The following PLB1 variants were observed in gnomAD, a reference collection of about 807,000 sequenced individuals.
The protein encoded by PLB1 is phospholipase B1, membrane-associated.
A neutral mutation model predicts 227.4 loss-of-function variants in PLB1; 242 were observed. The ratio of observed to expected loss-of-function variants is 1.06; its 90% CI spans 0.96 to 1.18. The LOEUF is 1.18. Among genes scored for constraint, PLB1 ranks in the 50% most tolerant of loss-of-function variants. PLB1 has a pLI of 0.00. For missense variants in PLB1, 1,858 were observed against 1,816.3 expected, an observed-to-expected ratio of 1.02 and a Z score of -0.42; for synonymous variants, 757 against 682.2, an observed-to-expected ratio of 1.11 and a Z score of -1.71.
intron 36 of PLB1, 90 bp from the exon 37 acceptor site, chr2:28,601,162 A>G: frequency 1.0e-5 from 11 of 1,089,356 alleles, no homozygotes; most frequent in Non-Finnish European, 1.5e-5. Context: ...GTGGGCAAGG[A>G]TGTTATAGAG....
Position 28,632,132 on chromosome 2 carries a change from C to A in PLB1, c.3994C>A (p.Leu1332Met). 6.2e-7 allele frequency: 1 copy of A among 1,612,558 alleles called. No individual in the cohort carries two copies. The highest frequency in any genetic ancestry group is 8.5e-7 in the Non-Finnish European group (1 of 1,178,596). ...QPFFQNTLTP[L>M]NERGDTDLTF... The stretch of plus-strand genomic sequence containing the variant: ...TTTCTTCCAAAACACACTCACCCCA[C>A]TGAACGAGGTGAGCTGCAGGTATTT... Residue 1332 changes from leucine to methionine, a missense_variant, in exon 55 of 58, where the codon CTG (leucine) becomes ATG (methionine). By Grantham distance (15) the Leu-to-Met change is conservative. Coordinates refer to ENST00000327757, the MANE Select transcript of PLB1 (RefSeq NM_153021.5).
intron 35 of PLB1, 28 bp from the exon 36 acceptor site, chr2:28,600,781 A>G (rs1481696072): frequency 6.2e-7 from 1 of 1,611,018 alleles, no homozygotes; most frequent in East Asian, 2.2e-5. Flanking sequence ...GTTCCTCAAC[A>G]GAAGGATGGG....
In PLB1 at chr2:28,581,534, T is replaced by TAAAA. The variant is rs1553439413; in HGVS notation, c.1567-533_1567-530dup. 7.7e-3 allele frequency among the ~76,000 whole-genome samples: 952 copies of TAAAA among 123,108 alleles called. 34 individuals carry two copies. Among genetic ancestry groups the TAAAA allele is most frequent in the African/African-American group, 0.028 (896 of 32,504 alleles). 80.8% of individuals were successfully genotyped at this position (123,108 alleles called of 152,430 possible). ...ATAAATAAATAAATAAATAAATAAATAAAATTAAAAAAAGAGGCATAGGCA... is the reference window on the plus strand; with the variant it reads ...ATAAATAAATAAATAAATAAATAAATAAAAAAAATTAAAAAAAGAGGCATAGGCA... On this transcript the variant is annotated intron_variant, in intron 23 of 57. Coordinates refer to ENST00000327757, the MANE Select transcript of PLB1 (RefSeq NM_153021.5).
At chr2:28,542,853 G>T (rs1419803556) in intron 13 of PLB1, among the ~76,000 whole-genome samples, 1 of 152,240 alleles carries the variant, frequency 6.6e-6, no homozygotes, top group Admixed American at 6.5e-5. Flanking sequence ...TAAAGTGATG[G>T]TTTAAGAGGG....
In PLB1 at chr2:28,632,992, T is replaced by G. The variant is rs775745623; in HGVS notation, c.4051T>G (p.Ser1351Ala). The G allele has an allele frequency of 6.2e-7, 1 of 1,613,964 alleles. No homozygotes were observed. Among genetic ancestry groups the G allele is most frequent in the Non-Finnish European group, 8.5e-7 (1 of 1,180,034 alleles). The change falls in exon 56 of 58, where the codon TCA becomes GCA. Residue 1351 changes from serine to alanine, a missense_variant. Physicochemically the swap from Ser to Ala is moderately conservative, Grantham distance 99. Coordinates refer to ENST00000327757, the MANE Select transcript of PLB1 (RefSeq NM_153021.5). ...CTTCTCCGAGGACTGTTTTCACTTC[T>G]CAGACCGCGGGCATGCCGAGATGGC... ...TFFSEDCFHFSDRGHAEMAIA... is the reference protein window; with the variant it reads ...TFFSEDCFHFADRGHAEMAIA...
At chr2:28,615,562 A>G (rs541279378) in intron 44 of PLB1, among the ~76,000 whole-genome samples, 21 of 152,356 alleles carry the variant, frequency 1.4e-4, no homozygotes, top group African/African-American at 5.1e-4. Context: ...GCTGCGGGTT[A>G]TGCTGTGTCC....
At chr2:28,600,664 A>G (rs764464380) in intron 35 of PLB1, 145 bp from the exon 36 acceptor site, 37 of 712,282 alleles carry the variant, frequency 5.2e-5, no homozygotes, top group Middle Eastern at 4.9e-4. Context: ...AGAAGAGGCA[A>G]GTCACTCCTG....
intron 46 of PLB1, among the ~76,000 whole-genome samples, chr2:28,619,994 G>C (rs1028563517): frequency 2.6e-5 from 4 of 152,122 alleles, no homozygotes; most frequent in Non-Finnish European, 5.9e-5. Flanking sequence ...GTCTCAGTTA[G>C]GAACACGGCA....
chr2:28,589,748 C>T lies in PLB1; in HGVS notation c.1994C>T (p.Ala665Val). The T allele has an allele frequency of 6.2e-7, 1 of 1,613,868 alleles. No individual in the cohort carries two copies. Among genetic ancestry groups the T allele is most frequent in the Non-Finnish European group, 8.5e-7 (1 of 1,179,918 alleles). Residue 665 changes from alanine to valine, a missense_variant, in exon 28 of 58, where the codon GCC becomes GTC. Ala to Val is a moderately conservative substitution (Grantham distance 64). Transcript: ENST00000327757. ...HFSSKSHSRA[A>V]SALWNNMLEP... The stretch of plus-strand genomic sequence containing the variant: ...AGCAGCAAGTCTCACTCCCGAGCAG[C>T]CAGTGCTCTCTGGAACAATATGGTA...
At position 28,529,342 on chromosome 2, in the gene PLB1, C is replaced by T. The variant is rs1558678298; in HGVS notation, c.351C>T (p.Phe117=). 2 of 1,611,332 alleles carry T rather than the reference C, an allele frequency of 1.2e-6. No homozygotes were observed. The highest frequency in any genetic ancestry group is 8.5e-7 in the Non-Finnish European group (1 of 1,177,492). ...MTVLSDIIRY[F]SPSVPMPVCH... ...TCCTTTCAGACATCATCAGATATTTCAGTCCTTCTGTTCCAATGCCTGTGT... is the reference window on the plus strand; with the variant it reads ...TCCTTTCAGACATCATCAGATATTTTAGTCCTTCTGTTCCAATGCCTGTGT... The change falls in exon 7 of 58, where the codon TTC becomes TTT. Residue 117 remains phenylalanine, a synonymous_variant. Transcript: ENST00000327757.
At chr2:28,587,860 T>C (rs556347910) in intron 26 of PLB1, among the ~76,000 whole-genome samples, 17 of 152,304 alleles carry the variant, frequency 1.1e-4, no homozygotes, top group Non-Finnish European at 2.1e-4. Context: ...GGCTGCTCTC[T>C]ATGCAGTGGG....
chr2:28,500,889 G>A (rs1257550294), intron 1 of PLB1, among the ~76,000 whole-genome samples: 2 of 152,170 alleles, frequency 1.3e-5, no homozygotes, highest in Non-Finnish European at 2.9e-5. Context: ...GGTAACTTCT[G>A]TGGCCCTATC....
chr2:28,575,710 A>G (rs1007033285), intron 21 of PLB1, among the ~76,000 whole-genome samples: 7 of 152,012 alleles, frequency 4.6e-5, no homozygotes, highest in Non-Finnish European at 7.4e-5. Flanking sequence ...AGCTGGGACT[A>G]TGAGTGCATT....
rs201059217 is a variant in PLB1, at chr2:28,496,124, C to T, written c.10C>T (p.Arg4Trp). Reference sequence around the variant, plus strand: ...CCTGGAGCATTCTGGCATGGGGCTGCGGCCAGGCATTTTCCTCCTGGAGCT... The same window carrying T: ...CCTGGAGCATTCTGGCATGGGGCTGTGGCCAGGCATTTTCCTCCTGGAGCT... Reference protein sequence around the residue: MGLRPGIFLLELLL... With the variant: MGLWPGIFLLELLL... The change falls in exon 1 of 58, where the codon CGG (arginine) becomes TGG (tryptophan). Residue 4 changes from arginine (R) to tryptophan (W), a missense_variant. Coordinates refer to ENST00000327757, the MANE Select transcript of PLB1 (RefSeq NM_153021.5). 8.5e-5 allele frequency: 137 copies of T among 1,613,902 alleles called. No homozygotes were observed. Among genetic ancestry groups the T allele is most frequent in the Non-Finnish European group, 1.0e-4 (123 of 1,179,968 alleles).
chr2:28,576,717 G>A (rs897860555), intron 21 of PLB1, among the ~76,000 whole-genome samples: 1 of 152,162 alleles, frequency 6.6e-6, no homozygotes, highest in African/African-American at 2.4e-5. Flanking sequence ...GCGATAGCAC[G>A]AGACTCAGTC....
At chr2:28,620,204 A>T in intron 46 of PLB1, 61 bp from the exon 47 acceptor site, 2 of 1,198,618 alleles carry the variant, frequency 1.7e-6, no homozygotes, top group South Asian at 3.2e-5. Flanking sequence ...GGGCCAGAGG[A>T]GGCTCTTCCA....
At chr2:28,582,572 C>T in intron 25 of PLB1, 67 bp downstream of exon 25, 1 of 1,278,742 alleles carries the variant, frequency 7.8e-7, no homozygotes, top group Non-Finnish European at 1.1e-6. Context: ...GCACCCTTAG[C>T]AAATTCCTTA....
chr2:28,525,254 G>GT lies in PLB1; in HGVS notation c.244-12dup. The GT allele has an allele frequency of 6.2e-7, 1 of 1,612,826 alleles. No individual in the cohort carries two copies. Among genetic ancestry groups the GT allele is most frequent in the Non-Finnish European group, 8.5e-7 (1 of 1,179,694 alleles). ...TCCCCTGGCTGGGTGTTAACATTGAGTATCTATTCCAGCCTCCAGACCCAG... is the reference window on the plus strand; with the variant it reads ...TCCCCTGGCTGGGTGTTAACATTGAGTTATCTATTCCAGCCTCCAGACCCAG... On this transcript the variant is annotated splice_polypyrimidine_tract_variant and intron_variant, in intron 4 of 57. Coordinates refer to ENST00000327757, the MANE Select transcript of PLB1 (RefSeq NM_153021.5).
intron 46 of PLB1, among the ~76,000 whole-genome samples, chr2:28,618,972 G>A (rs141280925): frequency 7.1e-4 from 108 of 152,294 alleles, no homozygotes; most frequent in African/African-American, 2.5e-3. Context: ...CTGTCTGGCT[G>A]GAAAAACAAG....
Sources: gnomAD v4.1 joint callset for allele counts (sites outside exome capture counted in the v4.1 genomes callset) on GRCh38, gnomAD v4.1.1 for gene constraint, MANE v1.5 for transcripts, NCBI Gene and HGNC (gene_info 2026-07-23, HGNC 2026-07-21) for gene names.